Variants in FNDC1 observed in about 807,000 individuals in gnomAD.
FNDC1 encodes fibronectin type III domain-containing protein 1.
FNDC1 carries 96 observed loss-of-function variants against 168.0 expected under a neutral mutation model. That is an observed-to-expected ratio of 0.57 (90% confidence interval 0.48 to 0.68). The LOEUF (loss-of-function observed/expected upper bound fraction) is 0.68, where lower values mean the gene tolerates loss of function less well. Among genes scored for constraint, FNDC1 ranks in the 30% least tolerant of loss-of-function variants. The pLI is 0.00. For synonymous variants in FNDC1, 1,099 were observed against 1,025.9 expected, an observed-to-expected ratio of 1.07 and a Z score of -1.36; for missense variants, 2,587 against 2,482.1, an observed-to-expected ratio of 1.04 and a Z score of -0.90.
chr6:159,220,767 G>A (rs1219676478), intron 5 of FNDC1, among the ~76,000 whole-genome samples: 1 of 152,140 alleles, frequency 6.6e-6, no homozygotes, highest in East Asian at 1.9e-4. Flanking sequence ...ACCCAAATCC[G>A]TGCAGACTCA....
chr6:159,262,290 C>G (rs1463939222), intron 19 of FNDC1, among the ~76,000 whole-genome samples: 1 of 152,094 alleles, frequency 6.6e-6, no homozygotes, highest in Non-Finnish European at 1.5e-5. Context: ...AGTCTGAGCC[C>G]AGAAAATGGG....
intron 19 of FNDC1, among the ~76,000 whole-genome samples, chr6:159,261,967 G>A (rs1777495118): frequency 6.6e-6 from 1 of 152,094 alleles, no homozygotes; most frequent in Non-Finnish European, 1.5e-5. Context: ...AATTAGCCAG[G>A]CCTAGTGGTG....
intron 1 of FNDC1, among the ~76,000 whole-genome samples, chr6:159,171,192 T>A (rs1327819646): frequency 6.6e-6 from 1 of 152,222 alleles, no homozygotes; most frequent in Non-Finnish European, 1.5e-5. Context: ...TGCTGAGGAA[T>A]GCTGGGGCTG....
In FNDC1 at chr6:159,236,018, T is replaced by C. The variant is rs556445969; in HGVS notation, c.3968-197T>C. Among the ~76,000 whole-genome samples, 124 of 152,348 alleles carry C rather than the reference T, an allele frequency of 8.1e-4. 1 individual carries two copies. The highest frequency in any genetic ancestry group is 1.5e-3 in the Non-Finnish European group (102 of 68,038). On this transcript the variant is annotated intron_variant, in intron 11 of 22. Coordinates refer to ENST00000297267, the MANE Select transcript of FNDC1 (RefSeq NM_032532.3). ...AGCTGTGACTTTACTGTATTCTTAA[T>C]TGACATTCATATCTGTTGTGGAGAA...
chr6:159,269,058 GTCTATCTATCTA>G lies in FNDC1; in HGVS notation c.5569+1163_5569+1174del, dbSNP rs201260395. On this transcript the variant is annotated intron_variant, in intron 22 of 22. Transcript: ENST00000297267. ...CCCACCTCTAGGTATCTATCTATCT[GTCTATCTATCTA>G]TCTATCTATCTATCTATCTATCTAT... Among the ~76,000 whole-genome samples, 416 of 137,050 alleles carry G rather than the reference GTCTATCTATCTA, an allele frequency of 3.0e-3. 2 individuals carry two copies. The highest frequency in any genetic ancestry group is 8.6e-3 in the South Asian group (36 of 4,192). 89.9% of individuals were successfully genotyped at this position (137,050 alleles called of 152,430 possible).
chr6:159,263,860 C>A (rs1196830618), intron 19 of FNDC1, among the ~76,000 whole-genome samples: 2 of 152,196 alleles, frequency 1.3e-5, no homozygotes. Flanking sequence ...GAGGCTGAGG[C>A]AGGAGAATCA....
chr6:159,241,493 G>A (rs378547), intron 14 of FNDC1, among the ~76,000 whole-genome samples: 128,312 of 152,206 alleles, frequency 0.84, 54,571 homozygotes, highest in Non-Finnish European at 0.9. Context: ...CTCCTGTCCA[G>A]TCTCCTGATT....
intron 21 of FNDC1, 117 bp downstream of exon 21, chr6:159,266,362 C>T (rs1777593248): frequency 2.8e-6 from 3 of 1,054,938 alleles, no homozygotes; most frequent in Non-Finnish European, 4.3e-6. Context: ...ACGACTATGG[C>T]TCACTCTGCC....
chr6:159,185,797 G>A (rs1046048163), intron 1 of FNDC1, among the ~76,000 whole-genome samples: 1 of 152,192 alleles, frequency 6.6e-6, no homozygotes, highest in African/African-American at 2.4e-5. Context: ...GGCCATCCTA[G>A]CTGCAAGGGA....
chr6:159,184,487 A>C (rs903340926), intron 1 of FNDC1, among the ~76,000 whole-genome samples: 6 of 152,230 alleles, frequency 3.9e-5, no homozygotes, highest in African/African-American at 1.4e-4. Flanking sequence ...GAAATGTTTT[A>C]AAAATGGCTC....
chr6:159,249,195 T>C lies in FNDC1; in HGVS notation c.4834+13T>C, dbSNP rs764649450. ...AAACGATTTGTTGGTAAATATAATG[T>C]CCTTAATCAGAGAAACATGGGTTTT... is the stretch of plus-strand genomic sequence containing the variant. On this transcript the variant is annotated intron_variant, in intron 16 of 22. Coordinates refer to ENST00000297267, the MANE Select transcript of FNDC1 (RefSeq NM_032532.3). 6.3e-7 allele frequency: 1 copy of C among 1,595,522 alleles called. No homozygotes were observed. Among genetic ancestry groups the C allele is most frequent in the South Asian group, 1.1e-5 (1 of 87,016 alleles).
chr6:159,230,032 C>T (rs541100621), intron 10 of FNDC1, 29 bp downstream of exon 10: 1 of 1,555,442 alleles, frequency 6.4e-7, no homozygotes, highest in East Asian at 2.3e-5. Flanking sequence ...TGGCTGTCTT[C>T]TCTCTCTCTT....
At chr6:159,236,618 G>A (rs1034342714) in intron 12 of FNDC1, among the ~76,000 whole-genome samples, 6 of 152,302 alleles carry the variant, frequency 3.9e-5, no homozygotes, top group East Asian at 3.9e-4. Context: ...TAGACCCAAT[G>A]GATGGCCGTT....
In FNDC1 at chr6:159,261,214, A is replaced by C. The variant is rs765165980; in HGVS notation, c.5199A>C (p.Gln1733His). Residue 1733 changes from glutamine to histidine, a missense_variant, in exon 19 of 23, where the codon CAA becomes CAC. Transcript: ENST00000297267. ...NTRYYFKVQA[Q>H]NPHGYGPISP... ...GGTATTATTTTAAAGTGCAAGCACA[A>C]AATCCTCATGGCTACGGACCTATCA... 6.2e-7 allele frequency: 1 copy of C among 1,613,202 alleles called. No individual in the cohort carries two copies. Among genetic ancestry groups the C allele is most frequent in the Admixed American group, 1.7e-5 (1 of 59,810 alleles).
chr6:159,267,543 G>A (rs962108965), intron 21 of FNDC1, among the ~76,000 whole-genome samples: 28 of 151,734 alleles, frequency 1.8e-4, no homozygotes, highest in African/African-American at 6.3e-4. Context: ...AAGTCTACTC[G>A]AAACTGCCTA....
At chr6:159,239,379 A>G (rs556072985) in intron 13 of FNDC1, 138 bp from the exon 14 acceptor site, 1 of 691,486 alleles carries the variant, frequency 1.4e-6, no homozygotes, top group African/African-American at 1.8e-5. Context: ...ATACTGATGC[A>G]ATATTCATTT....
chr6:159,246,322 T>C (rs143706234), intron 14 of FNDC1, among the ~76,000 whole-genome samples: 3 of 152,322 alleles, frequency 2.0e-5, no homozygotes, highest in Non-Finnish European at 4.4e-5. Flanking sequence ...GGAACTCTCA[T>C]TGGTAGAGTT....
At chr6:159,198,057 C>T (rs1311037183) in intron 2 of FNDC1, among the ~76,000 whole-genome samples, 2 of 152,158 alleles carry the variant, frequency 1.3e-5, no homozygotes, top group South Asian at 2.1e-4. Context: ...TGCCTAGCCA[C>T]GTCTGGTTAA....
At chr6:159,226,404 C>A in intron 8 of FNDC1, 69 bp from the exon 9 acceptor site, 1 of 1,191,450 alleles carries the variant, frequency 8.4e-7, no homozygotes, top group Non-Finnish European at 1.2e-6. Flanking sequence ...ACCTAGAGAC[C>A]ATGTGCTATT....
Sources: gnomAD v4.1 joint callset for allele counts (sites outside exome capture counted in the v4.1 genomes callset) on GRCh38, gnomAD v4.1.1 for gene constraint, MANE v1.5 for transcripts, NCBI Gene and HGNC (gene_info 2026-07-23, HGNC 2026-07-21) for gene names.